Variants in C14orf39 observed in about 807,000 individuals in gnomAD.
C14orf39 encodes the protein chromosome 14 open reading frame 39.
A neutral mutation model predicts 85.6 loss-of-function variants in C14orf39; 66 were observed. The ratio of observed to expected loss-of-function variants is 0.77; its 90% CI spans 0.63 to 0.95. The LOEUF (loss-of-function observed/expected upper bound fraction) is 0.95, where lower values mean the gene tolerates loss of function less well. C14orf39 is among the 40% of genes least tolerant of loss of function. The pLI is 0.00. For synonymous variants in C14orf39, 242 were observed against 214.0 expected, an observed-to-expected ratio of 1.13 and a Z score of -1.14; for missense variants, 735 against 663.9, an observed-to-expected ratio of 1.11 and a Z score of -1.18.
chr14:60,440,740 T>TC (rs1417375394), intron 17 of C14orf39, among the ~76,000 whole-genome samples: 1 of 152,206 alleles, frequency 6.6e-6, no homozygotes, highest in Non-Finnish European at 1.5e-5. Context: ...TGATTTGCTC[T>TC]CCATCCACCT....
chr14:60,477,184 C>A (rs983190951), intron 5 of C14orf39, among the ~76,000 whole-genome samples: 2 of 152,124 alleles, frequency 1.3e-5, no homozygotes, highest in Non-Finnish European at 2.9e-5. Context: ...CCTCTGCCTA[C>A]CCTCTAGATG....
At chr14:60,514,943 T>C (rs1452573008) in intron 1 of C14orf39, among the ~76,000 whole-genome samples, 2 of 152,048 alleles carry the variant, frequency 1.3e-5, no homozygotes, top group Non-Finnish European at 2.9e-5. Flanking sequence ...TCAGGGCTAA[T>C]GACGGCGGCC....
intron 4 of C14orf39, among the ~76,000 whole-genome samples, chr14:60,479,162 AAATT>A (rs1236978315): frequency 2.0e-5 from 3 of 152,174 alleles, no homozygotes; most frequent in Non-Finnish European, 2.9e-5. Flanking sequence ...TTGTTTTAAT[AAATT>A]GTTTCCAGAT....
intron 1 of C14orf39, chr14:60,512,327 C>T (rs2140190772): frequency 6.6e-6 from 1 of 152,196 alleles, no homozygotes; most frequent in Admixed American, 6.5e-5. Flanking sequence ...AAGGCCCCCT[C>T]CAATACAAAA....
chr14:60,451,982 A>T (rs1349840173), intron 16 of C14orf39, among the ~76,000 whole-genome samples: 3 of 151,734 alleles, frequency 2.0e-5, no homozygotes, highest in Admixed American at 2.0e-4. Context: ...GGAGATCGAG[A>T]CCATCCTGGC....
At chr14:60,460,020 T>C (rs1450190445) in intron 13 of C14orf39, among the ~76,000 whole-genome samples, 1 of 151,786 alleles carries the variant, frequency 6.6e-6, no homozygotes, top group African/African-American at 2.4e-5. Context: ...TCCTTTCCTA[T>C]CTTGAAGTCA....
At chr14:60,468,032 T>C (rs1275204026) in intron 9 of C14orf39, among the ~76,000 whole-genome samples, 2 of 151,712 alleles carry the variant, frequency 1.3e-5, no homozygotes, top group East Asian at 3.9e-4. Context: ...GTAGCATGCT[T>C]TGACTCATCT....
At chr14:60,509,116 T>C (rs796065430) in intron 1 of C14orf39, 2 of 495,030 alleles carry the variant, frequency 4.0e-6, no homozygotes, top group Non-Finnish European at 7.2e-6. Context: ...GGGGTCTCCA[T>C]GGCGCCCGCG....
rs541535413 is a variant in C14orf39, at chr14:60,481,651, C to G, written c.233+2040G>C. Among the ~76,000 whole-genome samples the G allele has an allele frequency of 3.3e-5, 5 of 152,244 alleles. No homozygotes were observed. In the East Asian group the frequency reaches 5.8e-4, roughly 18 times the overall value. On this transcript the variant is annotated intron_variant, in intron 4 of 17. Coordinates refer to ENST00000321731, the MANE Select transcript of C14orf39 (RefSeq NM_174978.3). The stretch of plus-strand genomic sequence containing the variant: ...TATTTTTTTAAATCTCAGCAAAACT[C>G]AGAGGCAAAAATAATAGCATTTAAT...
At chr14:60,468,629 TAA>T in intron 8 of C14orf39, 93 bp from the exon 9 acceptor site, 4 of 610,728 alleles carry the variant, frequency 6.5e-6, no homozygotes, top group Non-Finnish European at 1.0e-5. Context: ...TATATAATCA[TAA>T]GATTCATATT....
chr14:60,452,372 T>C lies in C14orf39; in HGVS notation c.1503+2629A>G, dbSNP rs1042105979. The stretch of plus-strand genomic sequence containing the variant: ...ACATGGATGGAACTAGAGGTCATTA[T>C]GTTAAATGAAATAAGTCAGGCACAG... On this transcript the variant is annotated intron_variant, in intron 16 of 17. Transcript: ENST00000321731. Among the ~76,000 whole-genome samples, 6 of 152,058 alleles carry C rather than the reference T, an allele frequency of 3.9e-5. No homozygotes were observed. In the South Asian group the frequency reaches 8.3e-4, roughly 21 times the overall value.
Position 60,468,483 on chromosome 14 carries a change from C to A in C14orf39, c.729G>T (p.Lys243Asn), listed in dbSNP as rs1227386590. The change falls in exon 9 of 18, where the codon AAG (lysine) becomes AAT (asparagine). Residue 243 changes from lysine to asparagine, a missense_variant. Lys to Asn is a moderately conservative substitution (Grantham distance 94). Coordinates refer to ENST00000321731, the MANE Select transcript of C14orf39 (RefSeq NM_174978.3). ...TKALSETLEEKNKNTENRKEL... is the reference protein window; with the variant it reads ...TKALSETLEENNKNTENRKEL... ...CTTTTCTGTTTTCTGTATTTTTGTT[C>A]TTTTCTTCCAGAGTTTCTGAAAGAG... 6.3e-7 allele frequency: 1 copy of A among 1,596,566 alleles called. No homozygotes were observed. Among genetic ancestry groups the A allele is most frequent in the South Asian group, 1.1e-5 (1 of 88,484 alleles).
intron 4 of C14orf39, among the ~76,000 whole-genome samples, chr14:60,482,241 A>G (rs1309793822): frequency 6.6e-6 from 1 of 152,208 alleles, no homozygotes; most frequent in Admixed American, 6.5e-5. Flanking sequence ...CTTTTCCACA[A>G]CCCAATGCAG....
chr14:60,483,329 C>T (rs1183717171), intron 4 of C14orf39, among the ~76,000 whole-genome samples: 1 of 152,068 alleles, frequency 6.6e-6, no homozygotes, highest in Non-Finnish European at 1.5e-5. Flanking sequence ...GAATTCTTAA[C>T]GTATTAAATA....
At chr14:60,492,603 CA>C (rs33957461) in intron 2 of C14orf39, among the ~76,000 whole-genome samples, 120,833 of 146,500 alleles carry the variant, frequency 0.82, 50,890 homozygotes, top group Non-Finnish European at 0.91. Context: ...TTATCTCTAC[CA>C]AAAAAAAAAA....
At chr14:60,438,238 G>GTGGA (rs987376660) in intron 17 of C14orf39, among the ~76,000 whole-genome samples, 1 of 151,964 alleles carries the variant, frequency 6.6e-6, no homozygotes, top group Non-Finnish European at 1.5e-5. Context: ...AGTAAGATGG[G>GTGGA]TGGATGGATG....
At chr14:60,474,338 A>T (rs1892259300) in intron 5 of C14orf39, among the ~76,000 whole-genome samples, 2 of 151,178 alleles carry the variant, frequency 1.3e-5, no homozygotes, top group African/African-American at 4.9e-5. Context: ...CAATCATGTC[A>T]TCTGCAAACA....
intron 15 of C14orf39, among the ~76,000 whole-genome samples, chr14:60,455,742 A>T (rs1891244283): frequency 6.6e-6 from 1 of 152,108 alleles, no homozygotes; most frequent in Admixed American, 6.6e-5. Flanking sequence ...ATCACCTGTG[A>T]TTCTGTTTCC....
At chr14:60,507,138 G>A (rs568401429) in intron 1 of C14orf39, among the ~76,000 whole-genome samples, 9 of 152,260 alleles carry the variant, frequency 5.9e-5, no homozygotes, top group Non-Finnish European at 7.4e-5. Flanking sequence ...CGCGCTAAGG[G>A]TGAGCGCCAA....
Sources: gnomAD v4.1 joint callset for allele counts (sites outside exome capture counted in the v4.1 genomes callset) on GRCh38, gnomAD v4.1.1 for gene constraint, MANE v1.5 for transcripts, NCBI Gene and HGNC (gene_info 2026-07-23, HGNC 2026-07-21) for gene names.